Variants in COL3A1 observed in about 807,000 individuals in gnomAD.
COL3A1 encodes the protein collagen alpha-1(III) chain.
COL3A1 carries 46 observed loss-of-function variants against 200.9 expected under a neutral mutation model. That is an observed-to-expected ratio of 0.23 (90% CI 0.18 to 0.29). COL3A1 has a LOEUF of 0.29. Ranked by LOEUF, COL3A1 falls within the 10% of genes least tolerant of loss-of-function variation. The pLI is 1.00. For synonymous variants in COL3A1, 650 were observed against 628.0 expected, an observed-to-expected ratio of 1.03 and a Z score of -0.52; for missense variants, 1,367 against 1,917.6, an observed-to-expected ratio of 0.71 and a Z score of 5.36.
Position 189,007,161 on chromosome 2 carries a change from TGATAGATA to T in COL3A1, c.3255+214_3255+221del, listed in dbSNP as rs60243485. On this transcript the variant is annotated intron_variant, in intron 44 of 50. Transcript: ENST00000304636. ...TATATTTGTTCTATCTATAGATAGA[TGATAGATA>T]GATAGATAGATAGATAGATAGATAG... Among the ~76,000 whole-genome samples the T allele has an allele frequency of 0.43, 49,412 of 115,720 alleles. 11,403 individuals carry two copies. The highest frequency in any genetic ancestry group is 0.5 in the Admixed American group (4,922 of 9,768). The allele number at this position is 115,720 out of a possible 152,430, so 75.9% of individuals were successfully genotyped here.
intron 4 of COL3A1, among the ~76,000 whole-genome samples, chr2:188,986,669 A>AT (rs1387386780): frequency 2.0e-5 from 3 of 152,036 alleles, no homozygotes; most frequent in South Asian, 2.1e-4. Context: ...ATTTGACTTC[A>AT]TTTTTTTGCT....
intron 31 of COL3A1, 83 bp from the exon 32 acceptor site, chr2:188,999,759 C>A: frequency 6.8e-7 from 1 of 1,468,860 alleles, no homozygotes; most frequent in Non-Finnish European, 9.4e-7. Context: ...TATATCCCTA[C>A]AAATCCTGAG....
chr2:188,997,046 T>TATATATATGAGAC, intron 24 of COL3A1, 119 bp from the exon 25 acceptor site: 1 of 697,268 alleles, frequency 1.4e-6, no homozygotes, highest in South Asian at 1.5e-5. Flanking sequence ...ATATGAGACA[T>TATATATATGAGAC]ATATATATGA....
intron 40 of COL3A1, among the ~76,000 whole-genome samples, chr2:189,005,022 C>T (rs1012513266): frequency 6.6e-6 from 1 of 152,128 alleles, no homozygotes; most frequent in Admixed American, 6.5e-5. Context: ...GATCACCATA[C>T]ACCTCTAGTT....
intron 21 of COL3A1, 67 bp from the exon 22 acceptor site, chr2:188,995,625 A>G (rs1421319574): frequency 7.1e-6 from 8 of 1,125,646 alleles, no homozygotes; most frequent in Non-Finnish European, 1.0e-5. Context: ...TTTGTAACCA[A>G]AATATTGTTG....
chr2:188,992,726 A>G (rs540608250), intron 14 of COL3A1, among the ~76,000 whole-genome samples, 161 bp from the exon 15 acceptor site: 119 of 152,124 alleles, frequency 7.8e-4, no homozygotes, highest in Non-Finnish European at 1.4e-3. Context: ...CTCTTTTCTT[A>G]TTTTACCACA....
At chr2:189,004,620 C>T (rs1414687470) in intron 40 of COL3A1, among the ~76,000 whole-genome samples, 1 of 152,142 alleles carries the variant, frequency 6.6e-6, no homozygotes, top group African/African-American at 2.4e-5. Context: ...CCATCTCAAA[C>T]ACCTCTTTTA....
At chr2:188,983,541 GA>G in intron 1 of COL3A1, among the ~76,000 whole-genome samples, 1 of 151,952 alleles carries the variant, frequency 6.6e-6, no homozygotes, top group East Asian at 1.9e-4. Context: ...ACGGGACCTC[GA>G]AAAGGTGATC....
At chr2:188,983,850 A>C (rs1318052797) in intron 1 of COL3A1, among the ~76,000 whole-genome samples, 1 of 151,966 alleles carries the variant, frequency 6.6e-6, no homozygotes, top group East Asian at 1.9e-4. Flanking sequence ...CAAGAACTAA[A>C]GTTGTATTTA....
At chr2:189,007,138 T>TATATA (rs1371609811) in intron 44 of COL3A1, 148 bp downstream of exon 44, 9 of 189,680 alleles carry the variant, frequency 4.7e-5, no homozygotes, top group African/African-American at 2.6e-4. Context: ...TATATATATA[T>TATATA]ATTTGTTCTA....
intron 1 of COL3A1, among the ~76,000 whole-genome samples, chr2:188,982,233 T>C (rs1436340385): frequency 6.6e-6 from 1 of 151,706 alleles, no homozygotes; most frequent in African/African-American, 2.4e-5. Flanking sequence ...ATAATATGTT[T>C]CTAATAAAAT....
rs1440363887 is a variant in COL3A1, at chr2:188,985,379, A to G, written c.333+132A>G. ...CATATTTGAATAATGGCACCAAACA[A>G]CAGACTGAGAATCCATAATTGTACG... is the stretch of plus-strand genomic sequence containing the variant. On this transcript the variant is annotated intron_variant, in intron 3 of 50. Transcript: ENST00000304636. 5.2e-6 allele frequency: 4 copies of G among 771,798 alleles called. No individual in the cohort carries two copies. In the East Asian group the frequency reaches 8.0e-5, roughly 15 times the overall value. The allele number at this position is 771,798 out of a possible 1,614,324, so 47.8% of individuals were successfully genotyped here.
At chr2:189,002,806 A>G (rs575964011) in intron 35 of COL3A1, 149 bp from the exon 36 acceptor site, 24 of 703,996 alleles carry the variant, frequency 3.4e-5, no homozygotes, top group South Asian at 2.8e-4. Context: ...GATTGGCTTC[A>G]TTTTGTCATG....
chr2:189,007,174 GA>G (rs1414887364), intron 44 of COL3A1, among the ~76,000 whole-genome samples, 184 bp downstream of exon 44: 4 of 109,526 alleles, frequency 3.7e-5, no homozygotes, highest in Non-Finnish European at 7.2e-5. Context: ...TAGATAGATA[GA>G]TAGATAGATA....
chr2:188,987,048 C>T lies in COL3A1; in HGVS notation c.448-11C>T, dbSNP rs766622043. 6.2e-7 allele frequency: 1 copy of T among 1,608,742 alleles called. No individual in the cohort carries two copies. Among genetic ancestry groups the T allele is most frequent in the Non-Finnish European group, 8.5e-7 (1 of 1,175,410 alleles). ...TTAAAATGATCATATCTATTTGTCT[C>T]CTTGCCACAGAACTATTCTCCCCAG... On this transcript the variant is annotated splice_polypyrimidine_tract_variant and intron_variant, in intron 4 of 50. Transcript: ENST00000304636.
chr2:188,987,219 G>T, intron 5 of COL3A1, 80 bp downstream of exon 5: 1 of 1,177,548 alleles, frequency 8.5e-7, no homozygotes, highest in Non-Finnish European at 1.3e-6. Context: ...GCTCTTCTAG[G>T]AATTCAGTAT....
intron 5 of COL3A1, 21 bp downstream of exon 5, chr2:188,987,160 G>T: frequency 6.3e-7 from 1 of 1,577,670 alleles, no homozygotes; most frequent in Non-Finnish European, 8.7e-7. Flanking sequence ...ATGTTTCTCA[G>T]CATTTTGGAG....
chr2:189,008,162 T>C lies in COL3A1; in HGVS notation c.3525+20T>C. On this transcript the variant is annotated intron_variant, in intron 47 of 50. Coordinates refer to ENST00000304636, the MANE Select transcript of COL3A1 (RefSeq NM_000090.4). Reference sequence around the variant, plus strand: ...TCTGAGGTAAGACATCACTTATACGTATGTGTATTTAATTTGCTACAATCT... The same window carrying C: ...TCTGAGGTAAGACATCACTTATACGCATGTGTATTTAATTTGCTACAATCT... The C allele has an allele frequency of 1.3e-6, 2 of 1,574,618 alleles. No individual in the cohort carries two copies. Among genetic ancestry groups the C allele is most frequent in the Non-Finnish European group, 1.7e-6 (2 of 1,150,122 alleles).
chr2:188,974,928 T>G (rs913888321), intron 1 of COL3A1, among the ~76,000 whole-genome samples: 1 of 152,178 alleles, frequency 6.6e-6, no homozygotes, highest in Non-Finnish European at 1.5e-5. Flanking sequence ...TGCAATAATT[T>G]TATGTTCCTC....
Sources: allele counts gnomAD v4.1 joint callset (sites outside exome capture counted in the v4.1 genomes callset), GRCh38; gene constraint gnomAD v4.1.1; transcripts MANE v1.5; gene names NCBI Gene and HGNC (gene_info 2026-07-23, HGNC 2026-07-21).